The following GRM3 variants were observed in gnomAD, a reference collection of about 807,000 sequenced individuals.
GRM3 encodes metabotropic glutamate receptor 3.
Under a neutral mutation model 70.5 loss-of-function variants are expected in GRM3, and 26 were observed. The observed-to-expected ratio is 0.37, with a 90% confidence interval of 0.27 to 0.51. The LOEUF (loss-of-function observed/expected upper bound fraction) is 0.51. Among genes scored for constraint, GRM3 ranks in the 20% least tolerant of loss-of-function variants. The probability of loss-of-function intolerance (pLI) is 0.93; values close to 1 mark genes in which losing one functional copy is unlikely to be tolerated. For missense variants in GRM3, 859 were observed against 1,123.8 expected, an observed-to-expected ratio of 0.76 and a Z score of 3.37; for synonymous variants, 443 against 434.9, an observed-to-expected ratio of 1.02 and a Z score of -0.23.
intron 2 of GRM3, among the ~76,000 whole-genome samples, chr7:86,773,121 T>C (rs1398317894): frequency 6.6e-6 from 1 of 152,008 alleles, no homozygotes; most frequent in Non-Finnish European, 1.5e-5. Context: ...TAGTATCCAG[T>C]GGGTAGCTTT....
chr7:86,758,705 C>A (rs1051974445), intron 1 of GRM3, among the ~76,000 whole-genome samples: 1 of 152,070 alleles, frequency 6.6e-6, no homozygotes, highest in Non-Finnish European at 1.5e-5. Flanking sequence ...TGTTTGCCTA[C>A]CTCATAAAAT....
chr7:86,771,393 T>C (rs1796736611), intron 2 of GRM3, among the ~76,000 whole-genome samples: 1 of 152,124 alleles, frequency 6.6e-6, no homozygotes, highest in East Asian at 1.9e-4. Flanking sequence ...CAATTGTTAT[T>C]TCACTTGATT....
intron 1 of GRM3, among the ~76,000 whole-genome samples, chr7:86,655,921 C>A (rs935879630): frequency 6.6e-6 from 1 of 151,380 alleles, no homozygotes; most frequent in Non-Finnish European, 1.5e-5. Context: ...ACCTCAGTTT[C>A]CTCGACACAA....
intron 1 of GRM3, among the ~76,000 whole-genome samples, chr7:86,743,643 C>T (rs1796039534): frequency 6.6e-6 from 1 of 151,978 alleles, no homozygotes; most frequent in South Asian, 2.1e-4. Context: ...CTAGAGTGTC[C>T]TGTATTGATT....
At chr7:86,779,634 T>C (rs1158655373) in intron 2 of GRM3, among the ~76,000 whole-genome samples, 1 of 152,208 alleles carries the variant, frequency 6.6e-6, no homozygotes, top group Non-Finnish European at 1.5e-5. Flanking sequence ...TTTTCATTAG[T>C]ACCATGAGAG....
chr7:86,651,923 T>C (rs989073526), intron 1 of GRM3, among the ~76,000 whole-genome samples: 2 of 152,222 alleles, frequency 1.3e-5, no homozygotes, highest in Non-Finnish European at 2.9e-5. Context: ...ATCCAAGAAG[T>C]ACTAAAGAAC....
intron 3 of GRM3, among the ~76,000 whole-genome samples, chr7:86,793,255 G>A (rs994294310): frequency 2.0e-5 from 3 of 152,076 alleles, no homozygotes; most frequent in African/African-American, 7.2e-5. Context: ...CAGAGCACAG[G>A]CCAGGAAGGG....
intron 1 of GRM3, among the ~76,000 whole-genome samples, chr7:86,658,650 A>C (rs1333740802): frequency 6.6e-6 from 1 of 152,206 alleles, no homozygotes; most frequent in Non-Finnish European, 1.5e-5. Flanking sequence ...ATTACCCAGC[A>C]AAGTAAGTAC....
At chr7:86,739,407 T>A (rs1795934804) in intron 1 of GRM3, among the ~76,000 whole-genome samples, 1 of 152,234 alleles carries the variant, frequency 6.6e-6, no homozygotes, top group African/African-American at 2.4e-5. Flanking sequence ...CTTCTGTGAA[T>A]TCAACTTTTT....
At chr7:86,724,849 G>A (rs749294117) in intron 1 of GRM3, among the ~76,000 whole-genome samples, 2 of 151,982 alleles carry the variant, frequency 1.3e-5, no homozygotes, top group Admixed American at 6.6e-5. Context: ...GTCTTCTAAC[G>A]TTGCCTCATT....
chr7:86,657,027 T>G lies in GRM3; in HGVS notation c.-141+12155T>G, dbSNP rs530789643. Among the ~76,000 whole-genome samples, 7 of 152,352 alleles carry G rather than the reference T, an allele frequency of 4.6e-5. No homozygotes were observed. In the South Asian group the frequency reaches 1.0e-3, roughly 23 times the overall value. ...ATCATGTTAATATCTTCCATTAATATGTTGTACTTTAGGAATTGTGATAAT... is the reference window on the plus strand; with the variant it reads ...ATCATGTTAATATCTTCCATTAATAGGTTGTACTTTAGGAATTGTGATAAT... On this transcript the variant is annotated intron_variant, in intron 1 of 5. Coordinates refer to ENST00000361669, the MANE Select transcript of GRM3 (RefSeq NM_000840.3).
At chr7:86,813,676 C>T (rs1797958758) in intron 3 of GRM3, among the ~76,000 whole-genome samples, 1 of 151,708 alleles carries the variant, frequency 6.6e-6, no homozygotes, top group African/African-American at 2.4e-5. Context: ...ACATTGGTTC[C>T]TATTAATGTT....
chr7:86,836,260 C>G (rs888984841), intron 3 of GRM3, among the ~76,000 whole-genome samples: 39 of 152,148 alleles, frequency 2.6e-4, no homozygotes, highest in African/African-American at 8.2e-4. Context: ...AAAGAACCTA[C>G]GCTTTGACCC....
At chr7:86,801,901 T>C (rs577427777) in intron 3 of GRM3, among the ~76,000 whole-genome samples, 2 of 152,332 alleles carry the variant, frequency 1.3e-5, no homozygotes, top group African/African-American at 4.8e-5. Flanking sequence ...AGATTAAATA[T>C]AAAATGTGTG....
intron 1 of GRM3, among the ~76,000 whole-genome samples, chr7:86,763,239 T>C (rs1399041011): frequency 6.6e-6 from 1 of 152,048 alleles, no homozygotes; most frequent in Non-Finnish European, 1.5e-5. Flanking sequence ...CACAATCATG[T>C]GTGAAGGTTG....
chr7:86,761,997 T>A (rs147366371), intron 1 of GRM3, among the ~76,000 whole-genome samples: 1 of 152,278 alleles, frequency 6.6e-6, no homozygotes, highest in African/African-American at 2.4e-5. Context: ...CAAAGACACA[T>A]GGTCAGCCTG....
chr7:86,715,455 T>G (rs959919268), intron 1 of GRM3, among the ~76,000 whole-genome samples: 23 of 151,974 alleles, frequency 1.5e-4, no homozygotes, highest in African/African-American at 5.1e-4. Flanking sequence ...AATGAGGCAT[T>G]TTAAGGAAGG....
chr7:86,768,585 T>C (rs987620425), intron 2 of GRM3, among the ~76,000 whole-genome samples: 1 of 152,078 alleles, frequency 6.6e-6, no homozygotes, highest in Non-Finnish European at 1.5e-5. Flanking sequence ...TGAGGATGAG[T>C]AAGAATGAAA....
At chr7:86,815,217 A>G (rs749881864) in intron 3 of GRM3, among the ~76,000 whole-genome samples, 39 of 151,806 alleles carry the variant, frequency 2.6e-4, no homozygotes, top group Non-Finnish European at 4.1e-4. Context: ...CAGAACACGT[A>G]TCTACTTACA....
Sources: allele counts gnomAD v4.1 joint callset (sites outside exome capture counted in the v4.1 genomes callset), GRCh38; gene constraint gnomAD v4.1.1; transcripts MANE v1.5; gene names NCBI Gene and HGNC (gene_info 2026-07-23, HGNC 2026-07-21).